CCDC148: variants seen among roughly 807,000 people sequenced by gnomAD.
The protein encoded by CCDC148 is coiled-coil domain containing 148.
CCDC148 carries 89 observed loss-of-function variants against 85.7 expected under a neutral mutation model. That is an observed-to-expected ratio of 1.04 (90% CI 0.87 to 1.24). The LOEUF (loss-of-function observed/expected upper bound fraction) is 1.24. CCDC148 is among the 50% of genes most tolerant of loss of function. The probability of loss-of-function intolerance (pLI) is 0.00; values close to 1 mark genes in which losing one functional copy is unlikely to be tolerated. For missense variants in CCDC148, 692 were observed against 671.7 expected (o/e 1.03, Z -0.33); for synonymous variants, 230 against 213.9 (o/e 1.08, Z -0.66).
chr2:158,240,105 T>C (rs1244041651), intron 10 of CCDC148, among the ~76,000 whole-genome samples: 1 of 151,832 alleles, frequency 6.6e-6, no homozygotes, highest in Non-Finnish European at 1.5e-5. Context: ...GCAAGTTCTT[T>C]TGCAGTGAGG....
chr2:158,390,587 T>A (rs1022192488), intron 1 of CCDC148, among the ~76,000 whole-genome samples: 1 of 152,112 alleles, frequency 6.6e-6, no homozygotes, highest in Non-Finnish European at 1.5e-5. Context: ...GAAGTCAGTC[T>A]TTACCCAGTG....
At chr2:158,192,472 T>C (rs1462345522) in intron 11 of CCDC148, among the ~76,000 whole-genome samples, 1 of 147,982 alleles carries the variant, frequency 6.8e-6, no homozygotes, top group South Asian at 2.1e-4. Flanking sequence ...CAAATCATGG[T>C]GTAGGAAAAA....
rs1023321556 is a variant in CCDC148 at position 158,256,249 on chromosome 2, A to T, written c.1111-5337T>A. Among the ~76,000 whole-genome samples, 11 of 151,744 alleles carry T rather than the reference A, an allele frequency of 7.2e-5. No homozygotes were observed. In the South Asian group the frequency reaches 2.3e-3, roughly 31 times the overall value. ...TATTGAACATCTGCTTTTGAGACCC[A>T]TCTTTGTCACCAACAACAATATTGT... On this transcript the variant is annotated intron_variant, in intron 9 of 13. Transcript: ENST00000283233.
chr2:158,284,042 C>A (rs1404239382), intron 9 of CCDC148, among the ~76,000 whole-genome samples: 1 of 147,050 alleles, frequency 6.8e-6, no homozygotes. Context: ...AACCAAACAC[C>A]GCATATTCTC....
intron 2 of CCDC148, among the ~76,000 whole-genome samples, chr2:158,350,156 T>A (rs1293953374): frequency 6.6e-6 from 1 of 152,172 alleles, no homozygotes; most frequent in Non-Finnish European, 1.5e-5. Context: ...ACAGTAGCCA[T>A]CTAGCAGCTA....
At chr2:158,338,045 T>C (rs1378112064) in intron 7 of CCDC148, among the ~76,000 whole-genome samples, 1 of 152,132 alleles carries the variant, frequency 6.6e-6, no homozygotes, top group Non-Finnish European at 1.5e-5. Context: ...CAAAGCTGTT[T>C]CCCTACAAAA....
At chr2:158,399,558 A>G (rs912049628) in intron 1 of CCDC148, among the ~76,000 whole-genome samples, 1 of 152,088 alleles carries the variant, frequency 6.6e-6, no homozygotes, top group Non-Finnish European at 1.5e-5. Context: ...CAGAAAAGGC[A>G]TTCGACAAAA....
intron 1 of CCDC148, among the ~76,000 whole-genome samples, chr2:158,446,476 T>G (rs1025839462): frequency 1.3e-5 from 2 of 152,178 alleles, no homozygotes; most frequent in African/African-American, 4.8e-5. Flanking sequence ...TTTTAATGTT[T>G]AACAGCTGGG....
chr2:158,215,829 AG>A (rs1486451775), intron 11 of CCDC148, among the ~76,000 whole-genome samples: 1 of 152,096 alleles, frequency 6.6e-6, no homozygotes. Flanking sequence ...TTGGATATGT[AG>A]CCCTCACGGT....
chr2:158,337,011 A>G (rs1272639569), intron 7 of CCDC148, among the ~76,000 whole-genome samples: 1 of 152,174 alleles, frequency 6.6e-6, no homozygotes, highest in Non-Finnish European at 1.5e-5. Context: ...TATTCATCTA[A>G]TCCTCCACTT....
At chr2:158,427,914 C>A (rs530381271) in intron 1 of CCDC148, among the ~76,000 whole-genome samples, 1 of 151,986 alleles carries the variant, frequency 6.6e-6, no homozygotes. Flanking sequence ...CTGAAAGAAG[C>A]CAGTTGGTTG....
At chr2:158,411,196 G>C (rs1412158421) in intron 1 of CCDC148, among the ~76,000 whole-genome samples, 1 of 152,006 alleles carries the variant, frequency 6.6e-6, no homozygotes, top group Non-Finnish European at 1.5e-5. Context: ...GGAGTCCTTT[G>C]GGTTTCTAAA....
chr2:158,313,347 G>A (rs746785650), intron 8 of CCDC148, among the ~76,000 whole-genome samples: 1 of 152,196 alleles, frequency 6.6e-6, no homozygotes, highest in Non-Finnish European at 1.5e-5. Context: ...GCCTCCCTGT[G>A]ACTAGAAAGA....
intron 1 of CCDC148, among the ~76,000 whole-genome samples, chr2:158,429,984 T>C (rs895978782): frequency 1.3e-5 from 2 of 152,096 alleles, no homozygotes; most frequent in African/African-American, 4.8e-5. Context: ...AGCAGAGTTA[T>C]AAAAAAGAGG....
chr2:158,371,011 C>A (rs1684414820), intron 1 of CCDC148, among the ~76,000 whole-genome samples: 1 of 151,738 alleles, frequency 6.6e-6, no homozygotes. Context: ...TATGATTGAG[C>A]ATAATTTCTA....
rs370076680 is a variant in CCDC148, at chr2:158,302,369, G to A, written c.1110+7064C>T. ...AGGAAACAGTCATAAAAGGAATGGG[G>A]AGAGTGGGCAAACTAAGGACAGGAT... On this transcript the variant is annotated intron_variant, in intron 9 of 13. Transcript: ENST00000283233. Among the ~76,000 whole-genome samples, 3 of 152,132 alleles carry A rather than the reference G, an allele frequency of 2.0e-5. No individual in the cohort carries two copies. In the East Asian group the frequency reaches 5.8e-4, roughly 29 times the overall value.
At chr2:158,204,610 C>T (rs34120790) in intron 11 of CCDC148, among the ~76,000 whole-genome samples, 35,235 of 151,890 alleles carry the variant, frequency 0.23, 4,127 homozygotes, top group Middle Eastern at 0.27. Flanking sequence ...TCAGCCCAGA[C>T]GAAAGAAGAC....
At chr2:158,415,468 CT>C (rs956924941) in intron 1 of CCDC148, among the ~76,000 whole-genome samples, 2 of 152,152 alleles carry the variant, frequency 1.3e-5, no homozygotes, top group Non-Finnish European at 1.5e-5. Flanking sequence ...ACATTCTCCC[CT>C]GGCCCCTCCC....
At chr2:158,268,581 C>G (rs1477524050) in intron 9 of CCDC148, among the ~76,000 whole-genome samples, 1 of 152,006 alleles carries the variant, frequency 6.6e-6, no homozygotes, top group Non-Finnish European at 1.5e-5. Context: ...ACCTAGTAAC[C>G]CTTTTTGTTT....
Sources: allele counts gnomAD v4.1 joint callset (sites outside exome capture counted in the v4.1 genomes callset), GRCh38; gene constraint gnomAD v4.1.1; transcripts MANE v1.5; gene names NCBI Gene and HGNC (gene_info 2026-07-23, HGNC 2026-07-21).